Variants in RABGAP1L observed in about 807,000 individuals in gnomAD.
The protein encoded by RABGAP1L is rab GTPase-activating protein 1-like.
Under a neutral mutation model 137.7 loss-of-function variants are expected in RABGAP1L, and 63 were observed. That is an observed-to-expected ratio of 0.46 (90% CI 0.37 to 0.56). The LOEUF (loss-of-function observed/expected upper bound fraction) is 0.56, where lower values mean the gene tolerates loss of function less well. RABGAP1L is among the 20% of genes least tolerant of loss of function. The pLI is 0.00. For synonymous variants in RABGAP1L, 431 were observed against 433.7 expected (o/e 0.99, Z 0.08); for missense variants, 1,095 against 1,244.0 (o/e 0.88, Z 1.80).
rs1671709259 is a variant in RABGAP1L at position 174,240,426 on chromosome 1, T to C, written c.543-1057T>C. Among the ~76,000 whole-genome samples, 2 of 152,200 alleles carry C rather than the reference T, an allele frequency of 1.3e-5. 1 individual carries two copies. The highest frequency in any genetic ancestry group is 4.1e-4 in the South Asian group (2 of 4,830). On this transcript the variant is annotated intron_variant, in intron 4 of 25. Transcript: ENST00000681986. ...CATGCCTGGCTGATTTTTGTATTTA[T>C]CAGAAGAGATGGGATTTCACCGTGT...
chr1:174,204,325 G>C (rs1256393874), intron 1 of RABGAP1L, among the ~76,000 whole-genome samples: 1 of 152,112 alleles, frequency 6.6e-6, no homozygotes, highest in African/African-American at 2.4e-5. Flanking sequence ...CTGAGACTGG[G>C]GCTTTCTAGA....
At chr1:174,668,533 C>T (rs898432048) in intron 14 of RABGAP1L, among the ~76,000 whole-genome samples, 1 of 151,978 alleles carries the variant, frequency 6.6e-6, no homozygotes, top group African/African-American at 2.4e-5. Flanking sequence ...TAGGTTGATT[C>T]TGTATCTTGG....
Position 174,635,041 on chromosome 1 carries a change from A to T in RABGAP1L, c.1711-2334A>T, listed in dbSNP as rs187737552. On this transcript the variant is annotated intron_variant, in intron 13 of 25. Transcript: ENST00000681986. ...TAAAACTTAAAGTATAATAAAAAAT[A>T]AAATAATAATAAAATAAAAAAATAA... 1.2e-3 allele frequency among the ~76,000 whole-genome samples: 188 copies of T among 151,606 alleles called. 1 individual carries two copies. The highest frequency in any genetic ancestry group is 4.5e-3 in the African/African-American group (186 of 41,488).
At chr1:174,441,280 A>C (rs938669653) in intron 13 of RABGAP1L, among the ~76,000 whole-genome samples, 5 of 152,056 alleles carry the variant, frequency 3.3e-5, no homozygotes, top group African/African-American at 1.2e-4. Context: ...TGACCCCGAA[A>C]ATGAAGCGAA....
chr1:174,486,328 G>C (rs1208835261), intron 13 of RABGAP1L, among the ~76,000 whole-genome samples: 2 of 136,486 alleles, frequency 1.5e-5, no homozygotes, highest in Non-Finnish European at 3.2e-5. Context: ...CTTCATTTCA[G>C]TTTCATTTAT....
chr1:174,279,900 G>A (rs1675344637), intron 10 of RABGAP1L, among the ~76,000 whole-genome samples: 1 of 151,984 alleles, frequency 6.6e-6, no homozygotes, highest in African/African-American at 2.4e-5. Context: ...ATTCATAGTT[G>A]CATAATCGTG....
At chr1:174,204,444 T>C (rs1009760085) in intron 1 of RABGAP1L, among the ~76,000 whole-genome samples, 1 of 152,204 alleles carries the variant, frequency 6.6e-6, no homozygotes, top group Non-Finnish European at 1.5e-5. Context: ...TCCAATACTA[T>C]TTTTAATAGG....
chr1:174,687,466 T>C (rs1457061690), intron 15 of RABGAP1L, among the ~76,000 whole-genome samples: 1 of 152,250 alleles, frequency 6.6e-6, no homozygotes, highest in African/African-American at 2.4e-5. Flanking sequence ...TAATTTTTAA[T>C]TGGCAGTATG....
chr1:174,506,169 C>T lies in RABGAP1L; in HGVS notation c.1710+112024C>T, dbSNP rs748541939. Among the ~76,000 whole-genome samples the T allele has an allele frequency of 3.9e-5, 6 of 152,098 alleles. 1 individual carries two copies. The highest frequency in any genetic ancestry group is 8.8e-5 in the Non-Finnish European group (6 of 67,990). The stretch of plus-strand genomic sequence containing the variant: ...TTGGGAAGATGTTGGTCAAGGGACA[C>T]AAAAATTTCACTTTTATAGGAGGAA... On this transcript the variant is annotated intron_variant, in intron 13 of 25. Coordinates refer to ENST00000681986, the MANE Select transcript of RABGAP1L (RefSeq NM_001366446.1).
intron 19 of RABGAP1L, among the ~76,000 whole-genome samples, chr1:174,947,048 G>T (rs1245091918): frequency 6.8e-6 from 1 of 146,962 alleles, no homozygotes; most frequent in African/African-American, 2.5e-5. Flanking sequence ...CATGCATTTT[G>T]TGCTCAATTA....
intron 13 of RABGAP1L, among the ~76,000 whole-genome samples, chr1:174,596,495 T>G (rs1669935100): frequency 6.6e-6 from 1 of 152,228 alleles, no homozygotes; most frequent in Non-Finnish European, 1.5e-5. Context: ...GATTCTTAAA[T>G]TTTAAATTTC....
rs1166850640 is a variant in RABGAP1L, at chr1:174,982,867, C to G, written c.2767C>G (p.Gln923Glu). The G allele has an allele frequency of 1.9e-6, 3 of 1,550,466 alleles. No individual in the cohort carries two copies. The highest frequency in any genetic ancestry group is 2.4e-5 in the South Asian group (2 of 84,066). Residue 923 changes from glutamine (Q) to glutamate (E), a missense_variant, in exon 24 of 26, where the codon CAG becomes GAG. Coordinates refer to ENST00000681986, the MANE Select transcript of RABGAP1L (RefSeq NM_001366446.1). ...CSQLSTRLEK[Q>E]QAASKEELEV... ...GCAGTTGAGTACCAGGCTGGAGAAA[C>G]AGCAAGCAGCCAGCAAGGAGGAGCT...
chr1:174,401,137 G>T (rs1648530524), intron 13 of RABGAP1L, among the ~76,000 whole-genome samples: 1 of 152,064 alleles, frequency 6.6e-6, no homozygotes, highest in African/African-American at 2.4e-5. Context: ...CTCCACTTCA[G>T]AAGGAGCTTT....
intron 19 of RABGAP1L, among the ~76,000 whole-genome samples, chr1:174,852,356 G>A (rs1648515384): frequency 6.6e-6 from 1 of 152,180 alleles, no homozygotes; most frequent in Non-Finnish European, 1.5e-5. Flanking sequence ...ATAAGACTGT[G>A]ACTCTCTGTT....
intron 1 of RABGAP1L, among the ~76,000 whole-genome samples, chr1:174,181,101 A>C (rs1386852074): frequency 6.6e-6 from 1 of 152,204 alleles, no homozygotes; most frequent in Middle Eastern, 3.2e-3. Context: ...TTTTGCTACA[A>C]CTAACACCAG....
chr1:174,343,062 G>A (rs1477017669), intron 11 of RABGAP1L, among the ~76,000 whole-genome samples: 1 of 152,010 alleles, frequency 6.6e-6, no homozygotes, highest in Non-Finnish European at 1.5e-5. Context: ...AACAGTTTAT[G>A]TATTGTTTTC....
chr1:174,481,210 C>G (rs1659054602), intron 13 of RABGAP1L, among the ~76,000 whole-genome samples: 1 of 152,214 alleles, frequency 6.6e-6, no homozygotes, highest in African/African-American at 2.4e-5. Flanking sequence ...CAGCACTTGA[C>G]TATGCTTATT....
At chr1:174,710,155 T>C (rs1035915949) in intron 17 of RABGAP1L, among the ~76,000 whole-genome samples, 3 of 152,076 alleles carry the variant, frequency 2.0e-5, no homozygotes, top group South Asian at 4.2e-4. Flanking sequence ...CCAAGAAATA[T>C]GGGACTGGGA....
At chr1:174,781,183 C>G (rs1323188277) in intron 18 of RABGAP1L, among the ~76,000 whole-genome samples, 1 of 152,212 alleles carries the variant, frequency 6.6e-6, no homozygotes, top group South Asian at 2.1e-4. Flanking sequence ...TACAGTCCCA[C>G]CAACACTGTA....
Sources: allele counts gnomAD v4.1 joint callset (sites outside exome capture counted in the v4.1 genomes callset), GRCh38; gene constraint gnomAD v4.1.1; transcripts MANE v1.5; gene names NCBI Gene and HGNC (gene_info 2026-07-23, HGNC 2026-07-21).